The following SLC9A2 variants were observed in gnomAD, a reference collection of about 807,000 sequenced individuals.
The protein encoded by SLC9A2 is sodium/hydrogen exchanger 2.
SLC9A2 carries 42 observed loss-of-function variants against 71.7 expected under a neutral mutation model. The observed-to-expected ratio is 0.59, with a 90% CI of 0.46 to 0.76. The LOEUF is 0.76. Among genes scored for constraint, SLC9A2 ranks in the 30% least tolerant of loss-of-function variants. SLC9A2 has a pLI of 0.00. For missense variants in SLC9A2, 829 were observed against 1,017.4 expected (o/e 0.81, Z 2.52); for synonymous variants, 396 against 392.5 (o/e 1.01, Z -0.10).
chr2:102,651,858 T>G (rs1676840812), intron 1 of SLC9A2, among the ~76,000 whole-genome samples: 1 of 152,262 alleles, frequency 6.6e-6, no homozygotes, highest in Non-Finnish European at 1.5e-5. Flanking sequence ...TCATATATAA[T>G]GCCTCAATAT....
At chr2:102,670,622 A>C (rs1334258308) in intron 3 of SLC9A2, among the ~76,000 whole-genome samples, 1 of 135,960 alleles carries the variant, frequency 7.4e-6, no homozygotes, top group Non-Finnish European at 1.6e-5. Context: ...AAAAAAAAAA[A>C]CAACCCCAGC....
chr2:102,637,270 C>T (rs1460780325), intron 1 of SLC9A2, among the ~76,000 whole-genome samples: 1 of 152,190 alleles, frequency 6.6e-6, no homozygotes, highest in African/African-American at 2.4e-5. Context: ...AGCGAGGATC[C>T]TGTTTCCCAC....
chr2:102,648,300 T>G (rs1676766406), intron 1 of SLC9A2, among the ~76,000 whole-genome samples: 1 of 152,154 alleles, frequency 6.6e-6, no homozygotes, highest in Non-Finnish European at 1.5e-5. Flanking sequence ...CACCCCTTCA[T>G]GCCAAAAACC....
At chr2:102,647,769 A>G (rs922628460) in intron 1 of SLC9A2, among the ~76,000 whole-genome samples, 1 of 152,202 alleles carries the variant, frequency 6.6e-6, no homozygotes, top group African/African-American at 2.4e-5. Flanking sequence ...CTGTTCACAT[A>G]CACCCTCCCA....
At chr2:102,694,629 G>A in intron 6 of SLC9A2, 126 bp downstream of exon 6, 1 of 457,282 alleles carries the variant, frequency 2.2e-6, no homozygotes, top group Non-Finnish European at 4.0e-6. Context: ...AGGGAGGAGG[G>A]CCTGAAGAAG....
chr2:102,621,427 A>G (rs1187545392), intron 1 of SLC9A2, among the ~76,000 whole-genome samples: 1 of 151,866 alleles, frequency 6.6e-6, no homozygotes, highest in East Asian at 1.9e-4. Flanking sequence ...AAACCTCAGA[A>G]TATATTTTCT....
chr2:102,654,578 T>G (rs1371629788), intron 1 of SLC9A2, among the ~76,000 whole-genome samples: 1 of 152,262 alleles, frequency 6.6e-6, no homozygotes, highest in African/African-American at 2.4e-5. Context: ...GGTTTAGTCC[T>G]GTTTGTAAGC....
chr2:102,644,920 A>T (rs1035950643), intron 1 of SLC9A2, among the ~76,000 whole-genome samples: 10 of 152,230 alleles, frequency 6.6e-5, no homozygotes, highest in African/African-American at 2.2e-4. Flanking sequence ...AGAGAGCAGC[A>T]GATCTCCCAG....
At chr2:102,693,533 A>G (rs542093747) in intron 5 of SLC9A2, among the ~76,000 whole-genome samples, 2 of 152,314 alleles carry the variant, frequency 1.3e-5, no homozygotes, top group South Asian at 2.1e-4. Flanking sequence ...TGAAGAGCTG[A>G]TAGTTCTCCA....
intron 5 of SLC9A2, among the ~76,000 whole-genome samples, chr2:102,685,944 G>C (rs1449021085): frequency 6.6e-6 from 1 of 152,232 alleles, no homozygotes; most frequent in Non-Finnish European, 1.5e-5. Flanking sequence ...TGCAATAGAG[G>C]AGTAAGGATT....
Position 102,621,919 on chromosome 2 carries a change from C to T in SLC9A2, c.289+1782C>T, listed in dbSNP as rs540489134. The stretch of plus-strand genomic sequence containing the variant: ...AAAGACATAAATTGGGAGAGGAGTG[C>T]AAAGCAGGTAGAAGGGATGGTTTAC... On this transcript the variant is annotated intron_variant, in intron 1 of 11. Transcript: ENST00000233969. 1.5e-4 allele frequency among the ~76,000 whole-genome samples: 23 copies of T among 152,242 alleles called. No homozygotes were observed. The South Asian group carries it at 4.8e-3, about 32-fold the overall frequency.
At chr2:102,660,433 A>G (rs1220053019) in intron 2 of SLC9A2, among the ~76,000 whole-genome samples, 6 of 152,216 alleles carry the variant, frequency 3.9e-5, no homozygotes, top group Admixed American at 3.3e-4. Context: ...GACCCACAAG[A>G]TATCAGGGCA....
chr2:102,695,706 A>C (rs1259424020), intron 7 of SLC9A2, among the ~76,000 whole-genome samples: 1 of 147,946 alleles, frequency 6.8e-6, no homozygotes, highest in Non-Finnish European at 1.5e-5. Flanking sequence ...ACTTTGTCAA[A>C]TGCAGAGATT....
intron 1 of SLC9A2, among the ~76,000 whole-genome samples, chr2:102,636,986 T>C (rs1013688046): frequency 1.6e-4 from 25 of 152,134 alleles, no homozygotes; most frequent in African/African-American, 5.6e-4. Flanking sequence ...TCAGATTGTG[T>C]TTCTAAAATG....
chr2:102,620,203 G>C, intron 1 of SLC9A2, 66 bp downstream of exon 1: 1 of 1,426,410 alleles, frequency 7.0e-7, no homozygotes, highest in Non-Finnish European at 9.6e-7. Context: ...GAGGGTGACC[G>C]GGTCAGCCAG....
chr2:102,692,644 C>T (rs1257355998), intron 5 of SLC9A2, among the ~76,000 whole-genome samples: 1 of 152,154 alleles, frequency 6.6e-6, no homozygotes, highest in African/African-American at 2.4e-5. Flanking sequence ...ATTTTCATGT[C>T]TGTAAGTTCC....
At chr2:102,707,307 T>A (rs1041620527) in intron 11 of SLC9A2, among the ~76,000 whole-genome samples, 1 of 151,730 alleles carries the variant, frequency 6.6e-6, no homozygotes, top group Non-Finnish European at 1.5e-5. Flanking sequence ...TTTTTTATTT[T>A]TTTTTTTTTG....
chr2:102,702,636 C>A, intron 9 of SLC9A2, 134 bp downstream of exon 9: 1 of 602,828 alleles, frequency 1.7e-6, no homozygotes, highest in Non-Finnish European at 3.0e-6. Flanking sequence ...TTCTCTCCTT[C>A]TGCTTCTCTC....
At chr2:102,638,428 G>T (rs970407481) in intron 1 of SLC9A2, among the ~76,000 whole-genome samples, 1 of 152,214 alleles carries the variant, frequency 6.6e-6, no homozygotes, top group Non-Finnish European at 1.5e-5. Flanking sequence ...AGGACACTAT[G>T]GAATATCTAA....
Sources: allele counts gnomAD v4.1 joint callset (sites outside exome capture counted in the v4.1 genomes callset), GRCh38; gene constraint gnomAD v4.1.1; transcripts MANE v1.5; gene names NCBI Gene and HGNC (gene_info 2026-07-23, HGNC 2026-07-21).